CRPPA: variants seen among roughly 807,000 people sequenced by gnomAD.
CRPPA encodes D-ribitol-5-phosphate cytidylyltransferase.
In CRPPA, 43 loss-of-function variants were observed where a neutral mutation model predicts 52.0. The ratio of observed to expected loss-of-function variants is 0.83; its 90% CI spans 0.65 to 1.07. The LOEUF is 1.07. Among genes scored for constraint, CRPPA ranks in the 50% least tolerant of loss-of-function variants. The pLI is 0.00. For missense variants in CRPPA, 629 were observed against 551.7 expected, an observed-to-expected ratio of 1.14 and a Z score of -1.40; for synonymous variants, 250 against 203.5, an observed-to-expected ratio of 1.23 and a Z score of -1.94.
intron 2 of CRPPA, among the ~76,000 whole-genome samples, chr7:16,399,650 T>A (rs956318892): frequency 2.6e-5 from 4 of 151,406 alleles, no homozygotes; most frequent in Non-Finnish European, 5.9e-5. Flanking sequence ...CGACATGTAA[T>A]CAACGTGTGA....
Position 16,315,491 on chromosome 7 carries a change from G to A in CRPPA, c.685-6864C>T, listed in dbSNP as rs553631883. 2.0e-5 allele frequency among the ~76,000 whole-genome samples: 3 copies of A among 152,282 alleles called. No individual in the cohort carries two copies. In the East Asian group the frequency reaches 5.8e-4, roughly 29 times the overall value. On this transcript the variant is annotated intron_variant, in intron 3 of 9. Coordinates refer to ENST00000407010, the MANE Select transcript of CRPPA (RefSeq NM_001101426.4). ...TTTCTCAGTTCTCTGCCTCTCCCCA[G>A]AGGATGACTAGAGTGGTATGGAGTT...
chr7:16,199,643 T>C (rs1284738975), intron 9 of CRPPA, among the ~76,000 whole-genome samples: 5 of 137,796 alleles, frequency 3.6e-5, no homozygotes, highest in African/African-American at 8.0e-5. Context: ...CCTGTGCATA[T>C]GCTCAAACCA....
intron 6 of CRPPA, among the ~76,000 whole-genome samples, chr7:16,267,565 T>C (rs1783986972): frequency 6.6e-6 from 1 of 152,192 alleles, no homozygotes; most frequent in Admixed American, 6.5e-5. Flanking sequence ...GAAAGAAAAC[T>C]GCAACCTTAC....
chr7:16,415,735 A>T (rs796695578), intron 1 of CRPPA, among the ~76,000 whole-genome samples: 16 of 152,270 alleles, frequency 1.1e-4, no homozygotes, highest in African/African-American at 3.4e-4. Context: ...ATTAGTACTT[A>T]TCTGCTGCAC....
intron 9 of CRPPA, among the ~76,000 whole-genome samples, chr7:16,166,302 T>C (rs903490572): frequency 6.6e-6 from 1 of 151,830 alleles, no homozygotes; most frequent in African/African-American, 2.4e-5. Context: ...TTTTTTGAGA[T>C]AGAGTCTTGC....
Position 16,406,267 on chromosome 7 carries a change from GAAT to G in CRPPA, c.325_327del (p.Ile109del), listed in dbSNP as rs1554364074. 1 of 1,613,828 alleles carries G rather than the reference GAAT, an allele frequency of 6.2e-7. No homozygotes were observed. Among genetic ancestry groups the G allele is most frequent in the Non-Finnish European group, 8.5e-7 (1 of 1,179,816 alleles). ...GAGATGCGTTTATGCTGATACTTCT[GAAT>G]AATACTTTTCATTACTTCCATGTTC... On this transcript the variant is annotated inframe_deletion, in exon 2 of 10. Coordinates refer to ENST00000407010, the MANE Select transcript of CRPPA (RefSeq NM_001101426.4).
At chr7:16,223,606 T>C (rs976067574) in intron 8 of CRPPA, among the ~76,000 whole-genome samples, 1 of 152,200 alleles carries the variant, frequency 6.6e-6, no homozygotes, top group East Asian at 1.9e-4. Flanking sequence ...TACATAGTGC[T>C]ACTAAGTTTG....
At chr7:16,133,587 A>G (rs965527225) in intron 9 of CRPPA, among the ~76,000 whole-genome samples, 2 of 124,264 alleles carry the variant, frequency 1.6e-5, no homozygotes, top group African/African-American at 5.2e-5. Context: ...CTCTCTAGTA[A>G]AATGTGTTAT....
Position 16,387,080 on chromosome 7 carries a change from TATATATAC to T in CRPPA, c.535-10847_535-10840del, listed in dbSNP as rs1212567323. ...ATATATATATATATATATATATATA[TATATATAC>T]ACACATATATATATGTATATACACA... On this transcript the variant is annotated intron_variant, in intron 2 of 9. Transcript: ENST00000407010. Among the ~76,000 whole-genome samples, 203 of 36,326 alleles carry T rather than the reference TATATATAC, an allele frequency of 5.6e-3. 4 individuals are homozygous for T. Among genetic ancestry groups the T allele is most frequent in the African/African-American group, 0.019 (156 of 8,236 alleles). 23.8% of individuals were successfully genotyped at this position (36,326 alleles called of 152,430 possible). A position where few individuals can be genotyped will look rare whatever the true frequency, so the allele number is the denominator to read the frequency against.
At chr7:16,153,635 A>T (rs764105444) in intron 9 of CRPPA, among the ~76,000 whole-genome samples, 3 of 152,100 alleles carry the variant, frequency 2.0e-5, no homozygotes, top group Non-Finnish European at 2.9e-5. Flanking sequence ...AAGTGACCTA[A>T]TTTTTTTCAA....
At chr7:16,374,647 C>G (rs1256163846) in intron 3 of CRPPA, among the ~76,000 whole-genome samples, 1 of 152,142 alleles carries the variant, frequency 6.6e-6, no homozygotes, top group Non-Finnish European at 1.5e-5. Context: ...CTGCATCTTT[C>G]TTCACCTACT....
Position 16,321,629 on chromosome 7 carries a change from T to C in CRPPA, c.685-13002A>G, listed in dbSNP as rs375204332. Among the ~76,000 whole-genome samples the C allele has an allele frequency of 9.9e-5, 15 of 152,182 alleles. No homozygotes were observed. In the South Asian group the frequency reaches 3.1e-3, roughly 32 times the overall value. On this transcript the variant is annotated intron_variant, in intron 3 of 9. Transcript: ENST00000407010. The stretch of plus-strand genomic sequence containing the variant: ...GGCCCAGATCCAGAAATTGTTTTAT[T>C]AGCAACAGGACTGGTGACATCATTA...
chr7:16,331,322 G>C (rs1002498316), intron 3 of CRPPA, among the ~76,000 whole-genome samples: 17 of 152,112 alleles, frequency 1.1e-4, no homozygotes, highest in African/African-American at 3.9e-4. Context: ...ACAAGGCATA[G>C]GATCACTAAT....
chr7:16,192,499 A>G (rs1046927184), intron 9 of CRPPA, among the ~76,000 whole-genome samples: 1 of 152,168 alleles, frequency 6.6e-6, no homozygotes, highest in African/African-American at 2.4e-5. Context: ...AAATACATAC[A>G]ACTGTATATC....
chr7:16,108,628 C>A (rs1370793018), intron 9 of CRPPA, among the ~76,000 whole-genome samples: 1 of 151,802 alleles, frequency 6.6e-6, no homozygotes, highest in Non-Finnish European at 1.5e-5. Context: ...TTATACAGAA[C>A]ATTCTGTCCA....
At chr7:16,288,656 G>C (rs898350357) in intron 5 of CRPPA, among the ~76,000 whole-genome samples, 4 of 151,694 alleles carry the variant, frequency 2.6e-5, no homozygotes, top group Non-Finnish European at 5.9e-5. Context: ...GGCCAGCTTG[G>C]CCAACATGGT....
At chr7:16,415,035 CT>C (rs71831563) in intron 1 of CRPPA, among the ~76,000 whole-genome samples, 23,585 of 152,120 alleles carry the variant, frequency 0.16, 2,634 homozygotes, top group African/African-American at 0.31. Flanking sequence ...AAATACTTAG[CT>C]TGTAAATCTC....
intron 8 of CRPPA, among the ~76,000 whole-genome samples, chr7:16,244,610 A>C (rs916371571): frequency 1.3e-5 from 2 of 152,176 alleles, no homozygotes; most frequent in Non-Finnish European, 2.9e-5. Context: ...TGCCCACCTA[A>C]GTTGACATTC....
In CRPPA at chr7:16,195,575, G is replaced by C. The variant is rs191523729; in HGVS notation, c.1251+20491C>G. On this transcript the variant is annotated intron_variant, in intron 9 of 9. Transcript: ENST00000407010. ...AGCTTCCCTCTGGCCAGAAGATAGAGTCTAAGAAAGTGCAGCAATACCTGA... is the reference window on the plus strand; with the variant it reads ...AGCTTCCCTCTGGCCAGAAGATAGACTCTAAGAAAGTGCAGCAATACCTGA... Among the ~76,000 whole-genome samples the C allele has an allele frequency of 6.5e-4, 98 of 151,158 alleles. No homozygotes were observed. The East Asian group carries it at 0.017, about 26-fold the overall frequency.
Sources: allele counts gnomAD v4.1 joint callset (sites outside exome capture counted in the v4.1 genomes callset), GRCh38; gene constraint gnomAD v4.1.1; transcripts MANE v1.5; gene names NCBI Gene and HGNC (gene_info 2026-07-23, HGNC 2026-07-21).